The following STRN3 variants were observed in gnomAD, a reference collection of about 807,000 sequenced individuals.
STRN3 encodes the protein striatin-3.
Under a neutral mutation model 95.6 loss-of-function variants are expected in STRN3, and 29 were observed. The observed-to-expected ratio is 0.30, with a 90% confidence interval of 0.23 to 0.41. The LOEUF is 0.41. STRN3 is among the 10% of genes least tolerant of loss of function. The pLI, the probability that STRN3 is intolerant of heterozygous loss-of-function variation, is 1.00. For missense variants in STRN3, 890 were observed against 972.1 expected (o/e 0.92, Z 1.12); for synonymous variants, 331 against 357.6 (o/e 0.93, Z 0.84).
chr14:30,902,671 A>C, intron 15 of STRN3, 28 bp from the exon 16 acceptor site: 1 of 1,428,036 alleles, frequency 7.0e-7, no homozygotes, highest in Non-Finnish European at 9.7e-7. Flanking sequence ...ACAATAAGTT[A>C]AAATTCAAAC....
chr14:30,956,244 TA>T lies in STRN3; in HGVS notation c.283-3del, dbSNP rs769768319. ...GCCTTGTAGAAATGCAATCCGGGCCTAAAAATATAAAAGATGCATTTATTTA... is the reference window on the plus strand; with the variant it reads ...GCCTTGTAGAAATGCAATCCGGGCCTAAAATATAAAAGATGCATTTATTTA... On this transcript the variant is annotated splice_polypyrimidine_tract_variant and splice_region_variant and intron_variant, in intron 1 of 17. Transcript: ENST00000357479. The T allele has an allele frequency of 8.1e-6, 13 of 1,611,854 alleles. No individual in the cohort carries two copies. The Admixed American group carries it at 2.0e-4, about 25-fold the overall frequency.
At chr14:30,953,415 A>C (rs537522221) in intron 3 of STRN3, among the ~76,000 whole-genome samples, 1 of 152,326 alleles carries the variant, frequency 6.6e-6, no homozygotes, top group Non-Finnish European at 1.5e-5. Context: ...CCATGTTGTC[A>C]CATTCAGTTT....
intron 16 of STRN3, among the ~76,000 whole-genome samples, chr14:30,899,214 C>T (rs1896239048): frequency 6.6e-6 from 1 of 152,200 alleles, no homozygotes; most frequent in Admixed American, 6.5e-5. Context: ...CCTCCCACTC[C>T]TCCACATCCC....
intron 7 of STRN3, among the ~76,000 whole-genome samples, chr14:30,929,974 A>AAAAAAAAACAAAAAAC (rs1566441515): frequency 3.3e-5 from 5 of 150,008 alleles, no homozygotes; most frequent in African/African-American, 1.2e-4. Flanking sequence ...AAAAAAAAAA[A>AAAAAAAAACAAAAAAC]AAAAACTCAA....
chr14:30,948,728 C>G (rs1879490127), intron 4 of STRN3, among the ~76,000 whole-genome samples: 1 of 152,066 alleles, frequency 6.6e-6, no homozygotes, highest in Non-Finnish European at 1.5e-5. Flanking sequence ...ACAAGTTTAG[C>G]TATAAAGTTA....
intron 1 of STRN3, among the ~76,000 whole-genome samples, chr14:30,984,266 TAAAAAAAAAA>T (rs755650146): frequency 2.3e-5 from 2 of 86,856 alleles, no homozygotes; most frequent in South Asian, 5.5e-4. Context: ...TGAGGAATTC[TAAAAAAAAAA>T]AAAAAAAAAA....
In STRN3 at chr14:30,912,163, G is replaced by C; in HGVS notation, c.1394C>G (p.Ala465Gly). The part of the protein sequence containing the change: ...YSYDLPANKD[A>G]FRKTWNPKYT... ...CTTGGGATTCCATGTCTTTCGAAAG[G>C]CATCTTTATTAGCAGGCAACTAAAA... is the stretch of plus-strand genomic sequence containing the variant. The change falls in exon 11 of 18, where the codon GCC becomes GGC. Residue 465 changes from alanine to glycine, a missense_variant. Transcript: ENST00000357479. 1.2e-6 allele frequency: 2 copies of C among 1,609,176 alleles called. No homozygotes were observed. Among genetic ancestry groups the C allele is most frequent in the Non-Finnish European group, 1.7e-6 (2 of 1,178,838 alleles).
chr14:30,970,733 A>C (rs1478638255), intron 1 of STRN3, among the ~76,000 whole-genome samples: 2 of 152,214 alleles, frequency 1.3e-5, no homozygotes, highest in Non-Finnish European at 2.9e-5. Flanking sequence ...CGATGGTAAA[A>C]GTTAAAGACT....
intron 11 of STRN3, 45 bp from the exon 12 acceptor site, chr14:30,911,869 T>C (rs1326794124): frequency 5.1e-6 from 8 of 1,581,016 alleles, no homozygotes; most frequent in Non-Finnish European, 6.0e-6. Flanking sequence ...GGCAATTAAA[T>C]AACTATGAAT....
intron 16 of STRN3, among the ~76,000 whole-genome samples, chr14:30,898,024 C>A (rs368185029): frequency 6.6e-6 from 1 of 152,142 alleles, no homozygotes; most frequent in Non-Finnish European, 1.5e-5. Context: ...CAGGGCCTTG[C>A]TCTGTCACTC....
intron 1 of STRN3, among the ~76,000 whole-genome samples, chr14:31,007,745 A>T (rs1290690404): frequency 1.3e-5 from 2 of 148,704 alleles, no homozygotes; most frequent in African/African-American, 5.0e-5. Flanking sequence ...CTACAAAAAT[A>T]AAAAAAAAAA....
rs1402678503 is a variant in STRN3 at position 30,894,840 on chromosome 14, CCAAA to C, written c.*567_*570del. ...AGACTTATAAAAACTAGAATTTTAT[CCAAA>C]CATTTTGTGCAACTAATGCTAAAAT... On this transcript the variant is annotated 3_prime_UTR_variant, in exon 18 of 18. Coordinates refer to ENST00000357479, the MANE Select transcript of STRN3 (RefSeq NM_001083893.2). 6.1e-6 allele frequency: 3 copies of C among 495,556 alleles called. No individual in the cohort carries two copies. Among genetic ancestry groups the C allele is most frequent in the Admixed American group, 4.5e-5 (1 of 22,210 alleles). The allele number at this position is 495,556 out of a possible 1,614,324, so 30.7% of individuals were successfully genotyped here.
At chr14:30,987,903 A>T (rs901277940) in intron 1 of STRN3, among the ~76,000 whole-genome samples, 5 of 151,836 alleles carry the variant, frequency 3.3e-5, no homozygotes, top group Non-Finnish European at 7.4e-5. Flanking sequence ...ATGCCCAGCT[A>T]ATTTTTGTAT....
intron 1 of STRN3, among the ~76,000 whole-genome samples, chr14:30,983,539 C>T (rs143923251): frequency 0.025 from 3,796 of 152,144 alleles, 145 homozygotes; most frequent in African/African-American, 0.076. Flanking sequence ...AGCGAGACTC[C>T]GTCTCAAAAA....
At chr14:31,025,324 T>C (rs1054871823) in intron 1 of STRN3, 5 of 155,238 alleles carry the variant, frequency 3.2e-5, no homozygotes, top group African/African-American at 7.2e-5. Context: ...AAGTTGACGA[T>C]GGGAAATAAA....
At chr14:30,909,789 C>A (rs1366509365) in intron 13 of STRN3, among the ~76,000 whole-genome samples, 3 of 152,174 alleles carry the variant, frequency 2.0e-5, no homozygotes, top group African/African-American at 7.2e-5. Flanking sequence ...GAACTGTATA[C>A]TTTAAAAGGG....
chr14:31,008,846 C>T lies in STRN3; in HGVS notation c.282+17058G>A, dbSNP rs140178731. ...TCAAGGTCAGGAATTTGAGACCAGC[C>T]TGGGCAACATGGTGAAACCTTGTCT... On this transcript the variant is annotated intron_variant, in intron 1 of 17. Coordinates refer to ENST00000357479, the MANE Select transcript of STRN3 (RefSeq NM_001083893.2). 4.5e-3 allele frequency among the ~76,000 whole-genome samples: 684 copies of T among 152,148 alleles called. 3 individuals carry two copies. Among genetic ancestry groups the T allele is most frequent in the African/African-American group, 0.016 (661 of 41,504 alleles).
chr14:30,927,732 T>C (rs1878254046), intron 8 of STRN3, among the ~76,000 whole-genome samples: 2 of 151,618 alleles, frequency 1.3e-5, no homozygotes, highest in Non-Finnish European at 2.9e-5. Flanking sequence ...ATTGAGACCA[T>C]CCTGGCTAAC....
chr14:30,945,331 A>G (rs1879308092), intron 5 of STRN3, among the ~76,000 whole-genome samples: 1 of 152,086 alleles, frequency 6.6e-6, no homozygotes, highest in African/African-American at 2.4e-5. Context: ...GAAACACACA[A>G]TGAAGGCCGG....
Sources: allele counts gnomAD v4.1 joint callset (sites outside exome capture counted in the v4.1 genomes callset), GRCh38; gene constraint gnomAD v4.1.1; transcripts MANE v1.5; gene names NCBI Gene and HGNC (gene_info 2026-07-23, HGNC 2026-07-21).